The following CALN1 variants were observed in gnomAD, a reference collection of about 807,000 sequenced individuals.
The protein encoded by CALN1 is calcium-binding protein 8.
CALN1 carries 17 observed loss-of-function variants against 30.6 expected under a neutral mutation model. The observed-to-expected ratio is 0.56, with a 90% confidence interval of 0.38 to 0.83. The LOEUF (loss-of-function observed/expected upper bound fraction) is 0.83, where lower values mean the gene tolerates loss of function less well. CALN1 is among the 40% of genes least tolerant of loss of function. The pLI, the probability that CALN1 is intolerant of heterozygous loss-of-function variation, is 0.00. For synonymous variants in CALN1, 156 were observed against 131.4 expected (o/e 1.19, Z -1.28); for missense variants, 291 against 354.9 (o/e 0.82, Z 1.45).
rs139569384 is a variant in CALN1 at position 72,256,629 on chromosome 7, C to G, written c.244+22057G>C. Among the ~76,000 whole-genome samples the G allele has an allele frequency of 2.8e-4, 42 of 151,336 alleles. No homozygotes were observed. The East Asian group carries it at 7.8e-3, about 28-fold the overall frequency. On this transcript the variant is annotated intron_variant, in intron 3 of 6. Transcript: ENST00000395275. ...ATTTTTTTTTCTTTCAAATTTGAGA[C>G]CAGGTTTTGGTCTGTCACCCACGCT...
chr7:72,140,073 C>T (rs879375098), intron 3 of CALN1, among the ~76,000 whole-genome samples: 2 of 151,822 alleles, frequency 1.3e-5, no homozygotes, highest in Non-Finnish European at 2.9e-5. Context: ...GAGTTTGAAA[C>T]CAGCCTGGGC....
chr7:72,439,339 A>G (rs976646436), intron 1 of CALN1, among the ~76,000 whole-genome samples: 28 of 152,038 alleles, frequency 1.8e-4, no homozygotes, highest in African/African-American at 6.5e-4. Flanking sequence ...GTCACATATG[A>G]CTTTTGAATC....
intron 5 of CALN1, among the ~76,000 whole-genome samples, chr7:71,873,097 G>T (rs925004210): frequency 2.0e-5 from 3 of 146,546 alleles, no homozygotes; most frequent in Non-Finnish European, 3.0e-5. Flanking sequence ...TTTGCCTCCC[G>T]GATTCAAGCG....
intron 5 of CALN1, among the ~76,000 whole-genome samples, chr7:71,914,245 C>T (rs1362140869): frequency 1.3e-5 from 2 of 152,132 alleles, no homozygotes; most frequent in Non-Finnish European, 1.5e-5. Context: ...TATTGTTCTC[C>T]ACTGTGTGTC....
chr7:72,354,991 C>T (rs1803145837), intron 2 of CALN1, among the ~76,000 whole-genome samples: 1 of 151,652 alleles, frequency 6.6e-6, no homozygotes, highest in Admixed American at 6.6e-5. Flanking sequence ...CTCACTGCAT[C>T]CTCCACCTCC....
intron 5 of CALN1, among the ~76,000 whole-genome samples, chr7:71,994,114 G>A (rs1049310928): frequency 6.6e-6 from 1 of 151,998 alleles, no homozygotes; most frequent in Non-Finnish European, 1.5e-5. Flanking sequence ...TTTAAGAAAT[G>A]TTTAAATTTT....
At chr7:71,977,171 T>C (rs1798141118) in intron 5 of CALN1, among the ~76,000 whole-genome samples, 1 of 152,148 alleles carries the variant, frequency 6.6e-6, no homozygotes, top group Admixed American at 6.5e-5. Flanking sequence ...TTGGGCACCC[T>C]TTTGCTTGAT....
At chr7:71,850,114 A>G (rs545019078) in intron 5 of CALN1, among the ~76,000 whole-genome samples, 6 of 152,342 alleles carry the variant, frequency 3.9e-5, no homozygotes, top group African/African-American at 1.4e-4. Flanking sequence ...AAGTACTGGA[A>G]TCAAATGTCC....
intron 2 of CALN1, among the ~76,000 whole-genome samples, chr7:72,292,139 A>G (rs62459264): frequency 6.6e-6 from 1 of 151,842 alleles, no homozygotes; most frequent in African/African-American, 2.4e-5. Context: ...ATTACTTTCA[A>G]TGGCAAAAAT....
chr7:72,252,162 C>T (rs1031332636), intron 3 of CALN1, among the ~76,000 whole-genome samples: 18 of 152,038 alleles, frequency 1.2e-4, no homozygotes, highest in African/African-American at 1.9e-4. Context: ...TTTCTTTCTC[C>T]CCTCTCAGTT....
At chr7:72,422,012 C>CTT (rs1807628804) in intron 1 of CALN1, among the ~76,000 whole-genome samples, 1 of 152,160 alleles carries the variant, frequency 6.6e-6, no homozygotes, top group African/African-American at 2.4e-5. Flanking sequence ...ACCACATTTT[C>CTT]TTTATCCACT....
At chr7:72,324,119 G>T (rs1055419547) in intron 2 of CALN1, among the ~76,000 whole-genome samples, 1 of 152,008 alleles carries the variant, frequency 6.6e-6, no homozygotes, top group African/African-American at 2.4e-5. Flanking sequence ...GCCCTGGTTC[G>T]CAAAGTTGGC....
intron 2 of CALN1, among the ~76,000 whole-genome samples, chr7:72,352,201 G>T (rs1802959638): frequency 6.6e-6 from 1 of 151,120 alleles, no homozygotes; most frequent in Admixed American, 6.6e-5. Flanking sequence ...ACCACTTTGA[G>T]ATTTTAAAGT....
At chr7:72,285,910 T>C (rs766522453) in intron 2 of CALN1, among the ~76,000 whole-genome samples, 1 of 152,156 alleles carries the variant, frequency 6.6e-6, no homozygotes, top group Non-Finnish European at 1.5e-5. Context: ...AGGGGCAATA[T>C]TGATCTTGCA....
intron 6 of CALN1, among the ~76,000 whole-genome samples, chr7:71,808,461 T>C (rs947088458): frequency 2.6e-5 from 4 of 151,762 alleles, no homozygotes; most frequent in Non-Finnish European, 5.9e-5. Context: ...TAATTGCTAT[T>C]AACGATCATT....
intron 5 of CALN1, among the ~76,000 whole-genome samples, chr7:71,948,534 A>G (rs6957532): frequency 0.17 from 25,419 of 151,942 alleles, 2,353 homozygotes; most frequent in Non-Finnish European, 0.23. Context: ...ATTCCAGACT[A>G]GCCTGGCCAA....
At chr7:72,231,793 C>T (rs1457919084) in intron 3 of CALN1, among the ~76,000 whole-genome samples, 1 of 152,238 alleles carries the variant, frequency 6.6e-6, no homozygotes, top group East Asian at 1.9e-4. Context: ...TAACCCCACC[C>T]TTACTGTACC....
At chr7:72,110,629 T>A (rs1367543794) in intron 3 of CALN1, among the ~76,000 whole-genome samples, 1 of 151,406 alleles carries the variant, frequency 6.6e-6, no homozygotes, top group Non-Finnish European at 1.5e-5. Context: ...TGTCTGTCTG[T>A]CTGCAGAAGC....
At chr7:71,826,536 A>C (rs1584309043) in intron 5 of CALN1, among the ~76,000 whole-genome samples, 1 of 152,170 alleles carries the variant, frequency 6.6e-6, no homozygotes, top group Non-Finnish European at 1.5e-5. Flanking sequence ...CTGCTCCTGA[A>C]GCAGCTCTGA....
Sources: gnomAD v4.1 joint callset for allele counts (sites outside exome capture counted in the v4.1 genomes callset) on GRCh38, gnomAD v4.1.1 for gene constraint, MANE v1.5 for transcripts, NCBI Gene and HGNC (gene_info 2026-07-23, HGNC 2026-07-21) for gene names.